The following GPC5 variants were observed in gnomAD, a reference collection of about 807,000 sequenced individuals.
GPC5 encodes the protein glypican-5.
Under a neutral mutation model 53.9 loss-of-function variants are expected in GPC5, and 47 were observed. That is an observed-to-expected ratio of 0.87 (90% CI 0.69 to 1.11). The LOEUF (loss-of-function observed/expected upper bound fraction) is 1.11. Among genes scored for constraint, GPC5 ranks in the 50% most tolerant of loss-of-function variants. The probability of loss-of-function intolerance (pLI) is 0.00; values close to 1 mark genes in which losing one functional copy is unlikely to be tolerated. For synonymous variants in GPC5, 286 were observed against 263.3 expected (o/e 1.09, Z -0.84); for missense variants, 748 against 713.1 (o/e 1.05, Z -0.56).
intron 6 of GPC5, among the ~76,000 whole-genome samples, chr13:91,912,017 CAG>C (rs1300622625): frequency 6.6e-6 from 1 of 152,154 alleles, no homozygotes; most frequent in African/African-American, 2.4e-5. Context: ...TTTGTAAGCA[CAG>C]AGTGTGGATA....
intron 7 of GPC5, among the ~76,000 whole-genome samples, chr13:92,641,603 T>C (rs1197665030): frequency 1.3e-5 from 2 of 152,188 alleles, no homozygotes; most frequent in Admixed American, 6.5e-5. Context: ...GAGAGTTTTA[T>C]TGCAGTTTAT....
At chr13:91,681,437 A>G (rs1016381686) in intron 2 of GPC5, among the ~76,000 whole-genome samples, 3 of 152,212 alleles carry the variant, frequency 2.0e-5, no homozygotes, top group African/African-American at 7.2e-5. Flanking sequence ...ACTTGACCCA[A>G]TCAACTATTC....
intron 6 of GPC5, among the ~76,000 whole-genome samples, chr13:92,060,713 C>T (rs967224034): frequency 6.6e-6 from 1 of 151,764 alleles, no homozygotes; most frequent in Admixed American, 6.6e-5. Context: ...ACCTTTATAT[C>T]GAATAAAAAG....
chr13:92,346,038 CAG>C (rs1594117769), intron 7 of GPC5, among the ~76,000 whole-genome samples: 1 of 152,126 alleles, frequency 6.6e-6, no homozygotes, highest in Non-Finnish European at 1.5e-5. Flanking sequence ...TACTTTGCCT[CAG>C]AGCATGACCT....
chr13:91,517,483 A>G (rs1046926699), intron 2 of GPC5, among the ~76,000 whole-genome samples: 8 of 152,146 alleles, frequency 5.3e-5, no homozygotes, highest in African/African-American at 1.9e-4. Context: ...CCTGGACCTT[A>G]TTGTTCATAT....
intron 7 of GPC5, among the ~76,000 whole-genome samples, chr13:92,147,557 T>C (rs1593930632): frequency 6.6e-6 from 1 of 152,098 alleles, no homozygotes; most frequent in East Asian, 1.9e-4. Context: ...ACTAATAGTT[T>C]TCTTCACAAA....
At chr13:92,222,789 G>T (rs1201403154) in intron 7 of GPC5, among the ~76,000 whole-genome samples, 1 of 151,994 alleles carries the variant, frequency 6.6e-6, no homozygotes, top group Non-Finnish European at 1.5e-5. Context: ...AATATTAATA[G>T]CATTGCTAAT....
At chr13:92,825,058 A>G (rs9301836) in intron 7 of GPC5, among the ~76,000 whole-genome samples, 37,512 of 151,654 alleles carry the variant, frequency 0.25, 5,782 homozygotes, top group East Asian at 0.66. Flanking sequence ...TCTACTTGGG[A>G]CACTAAAAAG....
intron 6 of GPC5, among the ~76,000 whole-genome samples, chr13:91,935,138 G>C (rs775101319): frequency 6.6e-6 from 1 of 151,910 alleles, no homozygotes; most frequent in Non-Finnish European, 1.5e-5. Flanking sequence ...GATTAGGATA[G>C]TGAAAAAGAA....
At chr13:92,737,766 C>CTTTTTTTTTTT (rs33914729) in intron 7 of GPC5, among the ~76,000 whole-genome samples, 1 of 102,134 alleles carries the variant, frequency 9.8e-6, no homozygotes, top group African/African-American at 3.8e-5. Flanking sequence ...TTTTCTTTTT[C>CTTTTTTTTTTT]TTTTTTTTTT....
At chr13:92,229,488 A>G (rs2042514179) in intron 7 of GPC5, among the ~76,000 whole-genome samples, 1 of 149,248 alleles carries the variant, frequency 6.7e-6, no homozygotes, top group Non-Finnish European at 1.5e-5. Flanking sequence ...ATTGTAAATA[A>G]AGCATATATT....
intron 7 of GPC5, among the ~76,000 whole-genome samples, chr13:92,519,827 A>G (rs1434750460): frequency 6.6e-5 from 10 of 152,222 alleles, no homozygotes; most frequent in African/African-American, 2.2e-4. Flanking sequence ...TCAAAAAATC[A>G]ATGAATCCAG....
chr13:91,592,324 A>T (rs981536682), intron 2 of GPC5, among the ~76,000 whole-genome samples: 2 of 152,150 alleles, frequency 1.3e-5, no homozygotes, highest in Admixed American at 1.3e-4. Flanking sequence ...GTGTACAGTC[A>T]TGCTCTGTTG....
intron 7 of GPC5, among the ~76,000 whole-genome samples, chr13:92,338,219 T>A (rs536908800): frequency 4.6e-5 from 7 of 152,006 alleles, no homozygotes; most frequent in African/African-American, 1.7e-4. Flanking sequence ...ATCAGGCAAA[T>A]GCAAATTAAA....
intron 6 of GPC5, among the ~76,000 whole-genome samples, chr13:92,066,851 A>G (rs910426939): frequency 2.6e-5 from 4 of 151,938 alleles, no homozygotes; most frequent in Non-Finnish European, 4.4e-5. Flanking sequence ...TTGAGGTGAG[A>G]GGAGAGGAAA....
chr13:92,057,245 A>C (rs1213150127), intron 6 of GPC5, among the ~76,000 whole-genome samples: 1 of 152,222 alleles, frequency 6.6e-6, no homozygotes, highest in Non-Finnish European at 1.5e-5. Flanking sequence ...AGCTCAAGGT[A>C]GCCAAACTGA....
At chr13:92,820,427 G>A (rs1390713896) in intron 7 of GPC5, among the ~76,000 whole-genome samples, 1 of 152,040 alleles carries the variant, frequency 6.6e-6, no homozygotes, top group African/African-American at 2.4e-5. Flanking sequence ...ATTGCATCTT[G>A]TTCACAGCCC....
chr13:91,703,413 T>C (rs2036034509), intron 3 of GPC5, among the ~76,000 whole-genome samples: 1 of 152,162 alleles, frequency 6.6e-6, no homozygotes, highest in Non-Finnish European at 1.5e-5. Context: ...AAATGCTTTT[T>C]TGTGTGTGTT....
At chr13:92,120,463 T>G (rs1180669735) in intron 6 of GPC5, among the ~76,000 whole-genome samples, 3 of 152,290 alleles carry the variant, frequency 2.0e-5, no homozygotes, top group African/African-American at 7.2e-5. Context: ...TCTCACTATG[T>G]TAGCCAAGCT....
Sources: allele counts gnomAD v4.1 joint callset (sites outside exome capture counted in the v4.1 genomes callset), GRCh38; gene constraint gnomAD v4.1.1; transcripts MANE v1.5; gene names NCBI Gene and HGNC (gene_info 2026-07-23, HGNC 2026-07-21).